SNX29: variants seen among roughly 807,000 people sequenced by gnomAD.
SNX29 encodes sorting nexin 29.
Under a neutral mutation model 102.1 loss-of-function variants are expected in SNX29, and 78 were observed. The observed-to-expected ratio is 0.76, with a 90% CI of 0.64 to 0.92. SNX29 has a LOEUF of 0.92. Ranked by LOEUF, SNX29 falls within the 40% of genes least tolerant of loss-of-function variation. SNX29 has a pLI of 0.00. For missense variants in SNX29, 1,280 were observed against 1,061.7 expected (o/e 1.21, Z -2.86); for synonymous variants, 580 against 414.5 (o/e 1.40, Z -4.85).
intron 3 of SNX29, among the ~76,000 whole-genome samples, chr16:12,019,318 C>T (rs1281720166): frequency 2.0e-5 from 3 of 152,146 alleles, no homozygotes; most frequent in Non-Finnish European, 4.4e-5. Flanking sequence ...CGCCATTCTC[C>T]TGCTTCAGCC....
chr16:12,572,214 C>T lies in SNX29; in HGVS notation c.*3585C>T, dbSNP rs1352557467. ...GCAGGTAGTATTGTGCTTTAAAAAC[C>T]AGAGGCTCCTGAAAGTCGTTTACAC... On this transcript the variant is annotated 3_prime_UTR_variant, in exon 21 of 21. Transcript: ENST00000566228. 4.0e-6 allele frequency: 4 copies of T among 997,274 alleles called. No individual in the cohort carries two copies. The highest frequency in any genetic ancestry group is 1.7e-5 in the African/African-American group (1 of 59,606). 61.8% of individuals were successfully genotyped at this position (997,274 alleles called of 1,614,324 possible).
At chr16:12,081,226 C>A (rs2051857916) in intron 11 of SNX29, 1 of 152,098 alleles carries the variant, frequency 6.6e-6, no homozygotes, top group South Asian at 2.1e-4. Context: ...TTCTTTTTGG[C>A]CCCGGCCTGT....
chr16:12,134,435 C>A (rs2054586172), intron 13 of SNX29, among the ~76,000 whole-genome samples: 1 of 152,184 alleles, frequency 6.6e-6, no homozygotes, highest in Admixed American at 6.5e-5. Flanking sequence ...CATCTGAAGG[C>A]TTGACTGGGG....
chr16:12,114,773 G>A (rs891219253), intron 11 of SNX29, among the ~76,000 whole-genome samples: 2 of 152,002 alleles, frequency 1.3e-5, no homozygotes, highest in Admixed American at 6.6e-5. Context: ...ATTTTTAGTA[G>A]AGACGGGGTT....
chr16:12,296,989 C>CA (rs2080003750), intron 15 of SNX29, among the ~76,000 whole-genome samples: 1 of 152,226 alleles, frequency 6.6e-6, no homozygotes. Flanking sequence ...ATGCTGGTGG[C>CA]ACCCCCTTCC....
At chr16:12,323,317 C>G (rs182474062) in intron 15 of SNX29, among the ~76,000 whole-genome samples, 1 of 152,120 alleles carries the variant, frequency 6.6e-6, no homozygotes, top group African/African-American at 2.4e-5. Flanking sequence ...TTTCTCCAGT[C>G]GTGAGTTGTG....
chr16:12,342,320 G>A (rs1311425218), intron 15 of SNX29, among the ~76,000 whole-genome samples: 3 of 152,112 alleles, frequency 2.0e-5, no homozygotes, highest in South Asian at 2.1e-4. Context: ...ACAAGATCTC[G>A]GTCATATCTT....
chr16:12,457,410 C>G (rs1296786972), intron 18 of SNX29, among the ~76,000 whole-genome samples: 2 of 152,174 alleles, frequency 1.3e-5, no homozygotes, highest in Non-Finnish European at 2.9e-5. Context: ...GGCCTCCCCA[C>G]TCTTAGTGAT....
intron 18 of SNX29, among the ~76,000 whole-genome samples, chr16:12,430,521 A>T (rs1400120446): frequency 6.6e-6 from 1 of 152,250 alleles, no homozygotes. Context: ...GCCTTGGGCA[A>T]GTTAACATTC....
chr16:12,405,137 CAGAG>C (rs1241714624), intron 18 of SNX29, among the ~76,000 whole-genome samples: 1 of 152,310 alleles, frequency 6.6e-6, no homozygotes, highest in East Asian at 1.9e-4. Flanking sequence ...TTGTGGTCAT[CAGAG>C]AGCTGGAAGG....
At chr16:12,352,527 T>G (rs1482889635) in intron 15 of SNX29, among the ~76,000 whole-genome samples, 1 of 152,174 alleles carries the variant, frequency 6.6e-6, no homozygotes, top group Admixed American at 6.6e-5. Context: ...AAAAAAAATT[T>G]GATAGATGTT....
At chr16:12,149,420 G>T (rs903111155) in intron 13 of SNX29, among the ~76,000 whole-genome samples, 1 of 152,180 alleles carries the variant, frequency 6.6e-6, no homozygotes, top group African/African-American at 2.4e-5. Flanking sequence ...GCAAGTAGTG[G>T]TCTGTGCTTA....
At chr16:12,345,413 G>A (rs998652003) in intron 15 of SNX29, among the ~76,000 whole-genome samples, 2 of 152,184 alleles carry the variant, frequency 1.3e-5, no homozygotes, top group African/African-American at 4.8e-5. Context: ...TGTGCAGGTT[G>A]TACACTGCAC....
chr16:12,328,075 C>T (rs919252398), intron 15 of SNX29, among the ~76,000 whole-genome samples: 2 of 152,138 alleles, frequency 1.3e-5, no homozygotes, highest in Non-Finnish European at 2.9e-5. Context: ...TCCAGAGCCT[C>T]GGGTTGCCCA....
intron 14 of SNX29, among the ~76,000 whole-genome samples, chr16:12,252,681 G>A (rs547043853): frequency 2.0e-5 from 3 of 152,178 alleles, no homozygotes; most frequent in Admixed American, 6.5e-5. Flanking sequence ...CCTCCTTCTG[G>A]TCCTGGCAGC....
chr16:12,526,986 G>T, intron 20 of SNX29: 1 of 402,246 alleles, frequency 2.5e-6, no homozygotes, highest in Non-Finnish European at 4.7e-6. Flanking sequence ...TCGATTTATG[G>T]ACTTTTCAAA....
chr16:12,551,274 G>C (rs75177021), intron 20 of SNX29, among the ~76,000 whole-genome samples: 11 of 152,092 alleles, frequency 7.2e-5, no homozygotes, highest in Admixed American at 1.3e-4. Flanking sequence ...TTCAGACACC[G>C]TCAAATGTTT....
At position 12,060,373 on chromosome 16, in the gene SNX29, C is replaced by G. The variant is rs139942704; in HGVS notation, c.1125-1155C>G. On this transcript the variant is annotated intron_variant, in intron 8 of 20. Transcript: ENST00000566228. ...TGGGGAGGCTGAAGCAGGAGGATCG[C>G]TTGAGGCTAGGATTTTGAGACCAGC... is the stretch of plus-strand genomic sequence containing the variant. 5.0e-3 allele frequency among the ~76,000 whole-genome samples: 764 copies of G among 152,216 alleles called. 4 individuals are homozygous for G. Among genetic ancestry groups the G allele is most frequent in the Middle Eastern group, 0.014 (4 of 294 alleles).
intron 11 of SNX29, among the ~76,000 whole-genome samples, chr16:12,121,177 G>A (rs1231090210): frequency 6.6e-6 from 1 of 152,236 alleles, no homozygotes; most frequent in Non-Finnish European, 1.5e-5. Context: ...TTGGGGGTGG[G>A]GCTTTGGTGG....
Sources: allele counts gnomAD v4.1 joint callset (sites outside exome capture counted in the v4.1 genomes callset), GRCh38; gene constraint gnomAD v4.1.1; transcripts MANE v1.5; gene names NCBI Gene and HGNC (gene_info 2026-07-23, HGNC 2026-07-21).